Variants in CDC42BPG observed in about 807,000 individuals in gnomAD.
CDC42BPG encodes serine/threonine-protein kinase MRCK gamma.
Under a neutral mutation model 192.2 loss-of-function variants are expected in CDC42BPG, and 157 were observed. The observed-to-expected ratio is 0.82, with a 90% CI of 0.72 to 0.93. The LOEUF is 0.93. Ranked by LOEUF, CDC42BPG falls within the 40% of genes least tolerant of loss-of-function variation. The probability of loss-of-function intolerance (pLI) is 0.00; values close to 1 mark genes in which losing one functional copy is unlikely to be tolerated. For missense variants in CDC42BPG, 1,992 were observed against 2,122.1 expected, an observed-to-expected ratio of 0.94 and a Z score of 1.20; for synonymous variants, 981 against 918.5, an observed-to-expected ratio of 1.07 and a Z score of -1.23.
rs796512517 is a variant in CDC42BPG, at chr11:64,836,822, G to A, written c.1304-3C>T. The A allele has an allele frequency of 1.2e-6, 2 of 1,609,054 alleles. No homozygotes were observed. The highest frequency in any genetic ancestry group is 1.7e-6 in the Non-Finnish European group (2 of 1,177,710). On this transcript the variant is annotated splice_region_variant and splice_polypyrimidine_tract_variant and intron_variant, in intron 10 of 36. Transcript: ENST00000342711. ...GTCTGTGGGGGCGTGCAGGGCCTCT[G>A]GAGGGGAGGTGGTACCCACAGGTGA...
Position 64,838,908 on chromosome 11 carries a change from G to C in CDC42BPG, c.877-6C>G, listed in dbSNP as rs752461827. 6.2e-7 allele frequency: 1 copy of C among 1,605,700 alleles called. No homozygotes were observed. Among genetic ancestry groups the C allele is most frequent in the Non-Finnish European group, 8.5e-7 (1 of 1,177,692 alleles). On this transcript the variant is annotated splice_region_variant and splice_polypyrimidine_tract_variant and intron_variant, in intron 7 of 36. Coordinates refer to ENST00000342711, the MANE Select transcript of CDC42BPG (RefSeq NM_017525.3). Reference sequence around the variant, plus strand: ...GGGGGGAACTGCAGGTGGTCCTGTGGGTCGGGGGAGGGGGCAGGCTGGGTC... The same window carrying C: ...GGGGGGAACTGCAGGTGGTCCTGTGCGTCGGGGGAGGGGGCAGGCTGGGTC...
chr11:64,835,589 C>T lies in CDC42BPG; in HGVS notation c.1791G>A (p.Met597Ile). Residue 597 changes from methionine to isoleucine, a missense_variant, in exon 15 of 37, where the codon ATG becomes ATA. Met to Ile is a conservative substitution (Grantham distance 10). Coordinates refer to ENST00000342711, the MANE Select transcript of CDC42BPG (RefSeq NM_017525.3). ...CCTGAGGCCCACCCTCAGGGGGTCC[C>T]ATCCCGTTGGTCTCAGAGGCTGTGT... Reference protein sequence around the residue: ...TIHTASETNGMGPPEGGPQEA... With the variant: ...TIHTASETNGIGPPEGGPQEA... The T allele has an allele frequency of 6.3e-7, 1 of 1,578,446 alleles. No homozygotes were observed. Among genetic ancestry groups the T allele is most frequent in the Non-Finnish European group, 8.6e-7 (1 of 1,165,472 alleles).
Position 64,829,554 on chromosome 11 carries a change from G to A in CDC42BPG, c.3884C>T (p.Thr1295Ile), listed in dbSNP as rs150813890. The change falls in exon 30 of 37, where the codon ACC (threonine) becomes ATC (isoleucine). Residue 1295 changes from threonine to isoleucine, a missense_variant. By Grantham distance (89) the Thr-to-Ile change is moderately conservative. Coordinates refer to ENST00000342711, the MANE Select transcript of CDC42BPG (RefSeq NM_017525.3). The part of the protein sequence containing the change: ...LSLSEFLLLF[T>I]TAGIYVDGAG... ...GCCATCCACGTAGATGCCAGCAGTG[G>A]TGAAGAGTAGCAGGAACTCGCTGAG... The A allele has an allele frequency of 5.6e-6, 9 of 1,612,882 alleles. No homozygotes were observed. The highest frequency in any genetic ancestry group is 1.6e-4 in the Middle Eastern group (1 of 6,062).
Position 64,827,258 on chromosome 11 carries a change from C to T in CDC42BPG, c.4271+20G>A. The T allele has an allele frequency of 6.2e-7, 1 of 1,613,350 alleles. No individual in the cohort carries two copies. On this transcript the variant is annotated intron_variant, in intron 33 of 36. Transcript: ENST00000342711. ...GAGGCGGCCCCACCCAGCCTCAGCC[C>T]CCGCGTCGTGCACGCGCACCTGCGC... is the stretch of plus-strand genomic sequence containing the variant.
intron 36 of CDC42BPG, 133 bp downstream of exon 36, chr11:64,826,337 T>A: frequency 1.5e-6 from 1 of 680,118 alleles, no homozygotes; most frequent in South Asian, 1.7e-5. Flanking sequence ...GGTAAGAATC[T>A]GCATCTCGTA....
intron 5 of CDC42BPG, 96 bp downstream of exon 5, chr11:64,840,024 G>C (rs112438566): frequency 6.4e-6 from 8 of 1,244,574 alleles, no homozygotes; most frequent in South Asian, 2.8e-5. Context: ...CCTGGCACAT[G>C]ATGAGTGCTC....
intron 8 of CDC42BPG, 90 bp downstream of exon 8, chr11:64,838,564 A>C (rs1353643579): frequency 6.5e-7 from 1 of 1,531,778 alleles, no homozygotes; most frequent in African/African-American, 1.4e-5. Flanking sequence ...CCTCACCCCC[A>C]GCCCACCCCA....
chr11:64,827,127 A>C lies in CDC42BPG; in HGVS notation c.4312T>G (p.Ser1438Ala), dbSNP rs761572404. Residue 1438 changes from serine (S) to alanine (A), a missense_variant, in exon 34 of 37, where the codon TCG (serine) becomes GCG (alanine). Physicochemically the swap from Ser to Ala is moderately conservative, Grantham distance 99. Transcript: ENST00000342711. ...AGGTGGTTGAAGTTGGTAGGCGGCG[A>C]GATGAGCTTGGAGCGCACAAAAGGG... The part of the protein sequence containing the change: ...KDPFVRSKLI[S>A]PPTNFNHLVH... 32 of 1,613,972 alleles carry C rather than the reference A, an allele frequency of 2.0e-5. No individual in the cohort carries two copies.
intron 30 of CDC42BPG, among the ~76,000 whole-genome samples, chr11:64,827,987 C>A (rs905193107): frequency 6.6e-6 from 1 of 152,206 alleles, no homozygotes; most frequent in Admixed American, 6.5e-5. Flanking sequence ...CTAAACACGA[C>A]ATGCTTTTCC....
At position 64,835,763 on chromosome 11, in the gene CDC42BPG, T is replaced by G. The variant is rs748692950; in HGVS notation, c.1757A>C (p.Lys586Thr). The G allele has an allele frequency of 7.4e-6, 12 of 1,613,372 alleles. No individual in the cohort carries two copies. In the South Asian group the frequency reaches 1.3e-4, roughly 18 times the overall value. ...TGCCAAGGGGGAGGACTTGACTACC[T>G]TGGCCTGGGACGACTCCTCAAGGCG... is the stretch of plus-strand genomic sequence containing the variant. ...EQRLEESSQA[K>T]TIHTASETNG... The change falls in exon 14 of 37, where the codon AAG (lysine) becomes ACG (threonine). Residue 586 changes from lysine (K) to threonine (T), a missense_variant and splice_region_variant. Transcript: ENST00000342711.
rs750508710 is a variant in CDC42BPG at position 64,827,794 on chromosome 11, G to A, written c.3968-11C>T. ...AGGGGGCCGCATACCCTGCGGGCAC[G>A]CCAGGCACCTCTGAGCTGTTTCCCC... is the stretch of plus-strand genomic sequence containing the variant. On this transcript the variant is annotated splice_polypyrimidine_tract_variant and intron_variant, in intron 30 of 36. Transcript: ENST00000342711. The A allele has an allele frequency of 6.3e-6, 10 of 1,592,454 alleles. No individual in the cohort carries two copies. The Admixed American group carries it at 1.0e-4, about 16-fold the overall frequency.
In CDC42BPG at chr11:64,829,635, TC is replaced by T; in HGVS notation, c.3802del (p.Glu1268SerfsTer62). On this transcript the variant is annotated frameshift_variant, in exon 30 of 37. Coordinates refer to ENST00000342711, the MANE Select transcript of CDC42BPG (RefSeq NM_017525.3). LOFTEE classifies it high-confidence loss of function. ...LALGAGLVPE[E>X]LPPSRGGLGE... Reference sequence around the variant, plus strand: ...CAGGCCCCCGCGGGATGGTGGCAGCTCCTCAGGCACCAAACCGGCCCCCAGC... The same window carrying T: ...CAGGCCCCCGCGGGATGGTGGCAGCTCTCAGGCACCAAACCGGCCCCCAGC... The T allele has an allele frequency of 6.2e-7, 1 of 1,611,590 alleles. No homozygotes were observed. The highest frequency in any genetic ancestry group is 1.7e-5 in the Admixed American group (1 of 59,808).
At position 64,833,353 on chromosome 11, in the gene CDC42BPG, C is replaced by A; in HGVS notation, c.2626-17G>T. 1 of 1,364,384 alleles carries A rather than the reference C, an allele frequency of 7.3e-7. No individual in the cohort carries two copies. Among genetic ancestry groups the A allele is most frequent in the Non-Finnish European group, 1.0e-6 (1 of 999,710 alleles). 84.5% of individuals were successfully genotyped at this position (1,364,384 alleles called of 1,614,324 possible). ...TGAGCCGGGCTGGGGAGGGGGACAG[C>A]CATTACCCAAGGCCTCCCAGGGCCC... is the stretch of plus-strand genomic sequence containing the variant. On this transcript the variant is annotated splice_polypyrimidine_tract_variant and intron_variant, in intron 23 of 36. Coordinates refer to ENST00000342711, the MANE Select transcript of CDC42BPG (RefSeq NM_017525.3).
intron 20 of CDC42BPG, 115 bp downstream of exon 20, chr11:64,834,151 G>T: frequency 7.2e-7 from 1 of 1,385,494 alleles, no homozygotes; most frequent in Non-Finnish European, 1.0e-6. Context: ...AAGCGGCAGA[G>T]TCCAGGAACA....
Position 64,835,096 on chromosome 11 carries a change from G to A in CDC42BPG, c.2011C>T (p.Arg671Trp), listed in dbSNP as rs199930863. The change falls in exon 17 of 37, where the codon CGG becomes TGG. Residue 671 changes from arginine (R) to tryptophan (W), a missense_variant. Physicochemically the swap from Arg to Trp is moderately radical, Grantham distance 101. This residue lies in a region of CDC42BPG where 1,656 missense variants were observed against 1,844.3 expected (regional missense o/e 0.90). Transcript: ENST00000342711. ...ESKQRLEGER[R>W]ETESNWEAQL... ...GCCTCCCAGTTGCTCTCCGTCTCCC[G>A]CCGCTCACCCTCCAGCCGCTGCTTG... 291 of 1,363,644 alleles carry A rather than the reference G, an allele frequency of 2.1e-4. No homozygotes were observed. The highest frequency in any genetic ancestry group is 2.7e-4 in the Non-Finnish European group (277 of 1,031,552). The allele number at this position is 1,363,644 out of a possible 1,614,324, so 84.5% of individuals were successfully genotyped here.
At chr11:64,844,386 G>A in intron 1 of CDC42BPG, 24 bp downstream of exon 1, 1 of 1,379,898 alleles carries the variant, frequency 7.2e-7, no homozygotes. Context: ...GCCCGCCCCC[G>A]CTCCGTGCCG....
intron 28 of CDC42BPG, 115 bp downstream of exon 28, chr11:64,831,390 T>C (rs999153280): frequency 1.0e-6 from 1 of 976,110 alleles, no homozygotes; most frequent in African/African-American, 1.6e-5. Context: ...TGCAAGGCAG[T>C]CTGTGTCTCG....
chr11:64,832,968 A>T lies in CDC42BPG; in HGVS notation c.2732-9T>A. ...ACAAAAGTAGCCGCAGGCTGTGGGG[A>T]AAGTGGAGAAGGTGGATGAGGTGAG... On this transcript the variant is annotated splice_polypyrimidine_tract_variant and intron_variant, in intron 24 of 36. Transcript: ENST00000342711. 6.6e-7 allele frequency: 1 copy of T among 1,521,498 alleles called. No individual in the cohort carries two copies. Among genetic ancestry groups the T allele is most frequent in the Non-Finnish European group, 8.8e-7 (1 of 1,132,664 alleles). The allele number at this position is 1,521,498 out of a possible 1,614,324, so 94.2% of individuals were successfully genotyped here. A position where few individuals can be genotyped will look rare whatever the true frequency, so the allele number is the denominator to read the frequency against.
At position 64,839,484 on chromosome 11, in the gene CDC42BPG, G is replaced by A. The variant is rs143892964; in HGVS notation, c.669C>T (p.Asn223=). ...TCTGGGGCGGGGTCCTTACCATGCC[G>A]TTGGTGTTGAGACGCAGGCAGGAGC... is the stretch of plus-strand genomic sequence containing the variant. ...DFGSCLRLNT[N]GMVDSSVAVG... is the part of the protein sequence containing the mutation. The change falls in exon 6 of 37, where the codon AAC becomes AAT. Residue 223 remains asparagine, a synonymous_variant. Transcript: ENST00000342711. 246 of 1,613,050 alleles carry A rather than the reference G, an allele frequency of 1.5e-4. No homozygotes were observed. Among genetic ancestry groups the A allele is most frequent in the Middle Eastern group, 3.3e-4 (2 of 6,084 alleles).
Sources: gnomAD v4.1 joint callset for allele counts (sites outside exome capture counted in the v4.1 genomes callset) on GRCh38, gnomAD v4.1.1 for gene constraint, gnomAD v4.1.1 regional missense constraint, MANE v1.5 for transcripts, NCBI Gene and HGNC (gene_info 2026-07-23, HGNC 2026-07-21) for gene names.